The following PEAK1 variants were observed in gnomAD, a reference collection of about 807,000 sequenced individuals.
The protein encoded by PEAK1 is pseudopodium enriched atypical kinase 1.
PEAK1 carries 54 observed loss-of-function variants against 124.7 expected under a neutral mutation model. The observed-to-expected ratio is 0.43, with a 90% CI of 0.35 to 0.54. PEAK1 has a LOEUF of 0.54. Among genes scored for constraint, PEAK1 ranks in the 20% least tolerant of loss-of-function variants. The probability of loss-of-function intolerance (pLI) is 0.01; values close to 1 mark genes in which losing one functional copy is unlikely to be tolerated. For missense variants in PEAK1, 2,046 were observed against 2,134.5 expected, an observed-to-expected ratio of 0.96 and a Z score of 0.82; for synonymous variants, 719 against 760.0, an observed-to-expected ratio of 0.95 and a Z score of 0.89.
chr15:77,365,810 CT>C (rs1229603684), intron 1 of PEAK1, among the ~76,000 whole-genome samples: 2 of 151,114 alleles, frequency 1.3e-5, no homozygotes, highest in Non-Finnish European at 2.9e-5. Context: ...AATCAATCTC[CT>C]TCATCAACTC....
At chr15:77,124,813 G>A (rs771507334) in intron 9 of PEAK1, among the ~76,000 whole-genome samples, 1 of 152,062 alleles carries the variant, frequency 6.6e-6, no homozygotes, top group Non-Finnish European at 1.5e-5. Flanking sequence ...TAATCTCTCC[G>A]TAGCCTAATT....
intron 2 of PEAK1, among the ~76,000 whole-genome samples, chr15:77,290,618 TG>T (rs1264293629): frequency 6.6e-6 from 1 of 151,452 alleles, no homozygotes; most frequent in Non-Finnish European, 1.5e-5. Flanking sequence ...GGCGTGACCA[TG>T]GATCACTGCA....
rs751730041 is a variant in PEAK1, at chr15:77,180,054, T to C, written c.1873A>G (p.Lys625Glu). ...TTTGGATTGATAACAATGGGAACTT[T>C]GATAGCATTTTTGGAACTCCGAGCA... ...TYARSSKNAI[K>E]VPIVINPNAY... is the part of the protein sequence containing the mutation. The change falls in exon 7 of 10, where the codon AAA becomes GAA. Residue 625 changes from lysine (K) to glutamate (E), a missense_variant. Lys to Glu is a moderately conservative substitution (Grantham distance 56). Coordinates refer to ENST00000682557, the MANE Select transcript of PEAK1 (RefSeq NM_001385026.1). 5.0e-6 allele frequency: 8 copies of C among 1,614,088 alleles called. No individual in the cohort carries two copies. The South Asian group carries it at 8.8e-5, about 18-fold the overall frequency.
intron 5 of PEAK1, among the ~76,000 whole-genome samples, chr15:77,263,842 G>A (rs1472146990): frequency 4.6e-5 from 7 of 152,030 alleles, no homozygotes; most frequent in African/African-American, 1.2e-4. Context: ...GATGAACATC[G>A]ATGCAAAAAT....
chr15:77,277,283 G>C (rs927122009), intron 5 of PEAK1, among the ~76,000 whole-genome samples: 4 of 152,134 alleles, frequency 2.6e-5, no homozygotes, highest in Non-Finnish European at 5.9e-5. Flanking sequence ...AAATTATAGA[G>C]ATGGTTACCA....
chr15:77,367,412 A>C (rs1173208857), intron 1 of PEAK1, among the ~76,000 whole-genome samples: 1 of 152,222 alleles, frequency 6.6e-6, no homozygotes, highest in Non-Finnish European at 1.5e-5. Context: ...GCTTAAGAGA[A>C]GCTTTTAAGA....
intron 9 of PEAK1, among the ~76,000 whole-genome samples, chr15:77,121,616 T>C (rs1246605311): frequency 6.6e-6 from 1 of 152,164 alleles, no homozygotes; most frequent in Non-Finnish European, 1.5e-5. Context: ...CTCTCTGTCA[T>C]TCGATTCAAT....
chr15:77,317,294 A>T (rs1434228412), intron 2 of PEAK1, among the ~76,000 whole-genome samples: 5 of 152,176 alleles, frequency 3.3e-5, no homozygotes, highest in Non-Finnish European at 7.3e-5. Flanking sequence ...TATTTTTATG[A>T]ACAGAAAAAC....
chr15:77,252,748 G>A (rs890140527), intron 5 of PEAK1, among the ~76,000 whole-genome samples: 17 of 152,094 alleles, frequency 1.1e-4, no homozygotes, highest in African/African-American at 3.9e-4. Flanking sequence ...TACAAGAACC[G>A]AAAGAGCACC....
intron 2 of PEAK1, among the ~76,000 whole-genome samples, chr15:77,323,373 T>C (rs1330133603): frequency 2.6e-5 from 4 of 152,092 alleles, no homozygotes; most frequent in Admixed American, 1.3e-4. Context: ...TGATTGTATA[T>C]CTAGAAAACC....
chr15:77,309,563 T>C (rs796286819), intron 2 of PEAK1, among the ~76,000 whole-genome samples: 38 of 152,214 alleles, frequency 2.5e-4, no homozygotes, highest in African/African-American at 8.7e-4. Context: ...AATATGCAAA[T>C]GTAATGGTGT....
chr15:77,193,923 CT>C (rs1364528394), intron 6 of PEAK1, among the ~76,000 whole-genome samples: 1 of 152,172 alleles, frequency 6.6e-6, no homozygotes, highest in African/African-American at 2.4e-5. Context: ...GGTGGAACAA[CT>C]TTCCAGAGTT....
intron 6 of PEAK1, among the ~76,000 whole-genome samples, chr15:77,237,435 T>G (rs1279732301): frequency 1.3e-5 from 2 of 151,968 alleles, no homozygotes; most frequent in Admixed American, 6.5e-5. Context: ...TTAAACTTTT[T>G]TTTTTTTCAA....
Position 77,315,970 on chromosome 15 carries a change from T to C in PEAK1, c.-602-29466A>G, listed in dbSNP as rs912873826. Among the ~76,000 whole-genome samples, 3 of 152,142 alleles carry C rather than the reference T, an allele frequency of 2.0e-5. No individual in the cohort carries two copies. In the South Asian group the frequency reaches 6.2e-4, roughly 31 times the overall value. On this transcript the variant is annotated intron_variant, in intron 2 of 9. Coordinates refer to ENST00000682557, the MANE Select transcript of PEAK1 (RefSeq NM_001385026.1). ...AGCTAATAATATCAATATTGGTTTA[T>C]TTATTGTAACAAATGCACCATAAGA... is the stretch of plus-strand genomic sequence containing the variant.
chr15:77,324,248 C>A (rs577024521), intron 2 of PEAK1, among the ~76,000 whole-genome samples: 36 of 152,226 alleles, frequency 2.4e-4, no homozygotes, highest in African/African-American at 8.4e-4. Context: ...GAGGCTGAGG[C>A]GGGTAAATCA....
At chr15:77,138,284 T>C (rs2053499135) in intron 8 of PEAK1, among the ~76,000 whole-genome samples, 1 of 152,106 alleles carries the variant, frequency 6.6e-6, no homozygotes, top group Non-Finnish European at 1.5e-5. Context: ...GCACTTACCA[T>C]GAAAGGAGCC....
At chr15:77,197,719 AG>A (rs1230127154) in intron 6 of PEAK1, among the ~76,000 whole-genome samples, 1 of 152,226 alleles carries the variant, frequency 6.6e-6, no homozygotes, top group Non-Finnish European at 1.5e-5. Context: ...TAGGGAACTA[AG>A]AACTCTGACT....
At chr15:77,380,387 G>T (rs992139840) in intron 1 of PEAK1, among the ~76,000 whole-genome samples, 1 of 152,128 alleles carries the variant, frequency 6.6e-6, no homozygotes, top group Non-Finnish European at 1.5e-5. Flanking sequence ...TTGGAAGGCT[G>T]GACATAACTG....
chr15:77,376,000 AAAATAAAT>A (rs199883070), intron 1 of PEAK1, among the ~76,000 whole-genome samples: 4,923 of 145,358 alleles, frequency 0.034, 140 homozygotes, highest in African/African-American at 0.059. Flanking sequence ...CTCCGTCTCA[AAAATAAAT>A]AAATAAATAA....
Sources: allele counts gnomAD v4.1 joint callset (sites outside exome capture counted in the v4.1 genomes callset), GRCh38; gene constraint gnomAD v4.1.1; transcripts MANE v1.5; gene names NCBI Gene and HGNC (gene_info 2026-07-23, HGNC 2026-07-21).